The following LRRTM4 variants were observed in gnomAD, a reference collection of about 807,000 sequenced individuals.
LRRTM4 encodes the protein leucine-rich repeat transmembrane neuronal protein 4.
LRRTM4 carries 25 observed loss-of-function variants against 47.6 expected under a neutral mutation model. The observed-to-expected ratio is 0.53, with a 90% CI of 0.38 to 0.73. The LOEUF (loss-of-function observed/expected upper bound fraction) is 0.73. LRRTM4 is among the 30% of genes least tolerant of loss of function. The pLI, the probability that LRRTM4 is intolerant of heterozygous loss-of-function variation, is 0.00. For missense variants in LRRTM4, 638 were observed against 713.4 expected (o/e 0.89, Z 1.20); for synonymous variants, 311 against 269.5 (o/e 1.15, Z -1.51).
At chr2:76,885,165 A>G (rs964060293) in intron 3 of LRRTM4, among the ~76,000 whole-genome samples, 1 of 152,004 alleles carries the variant, frequency 6.6e-6, no homozygotes, top group Non-Finnish European at 1.5e-5. Flanking sequence ...TAAATATTTT[A>G]AAAACCACTC....
At chr2:77,365,062 A>T (rs1315554343) in intron 3 of LRRTM4, among the ~76,000 whole-genome samples, 1 of 152,028 alleles carries the variant, frequency 6.6e-6, no homozygotes, top group African/African-American at 2.4e-5. Context: ...GAAGTTGAAC[A>T]CTAATGAGAT....
chr2:77,419,947 C>A (rs1674805871), intron 3 of LRRTM4, among the ~76,000 whole-genome samples: 1 of 152,172 alleles, frequency 6.6e-6, no homozygotes, highest in African/African-American at 2.4e-5. Context: ...CATTCCCCAC[C>A]TGGGGACAGT....
chr2:77,257,025 C>A (rs939835727), intron 3 of LRRTM4, among the ~76,000 whole-genome samples: 7 of 152,092 alleles, frequency 4.6e-5, no homozygotes, highest in East Asian at 1.9e-4. Flanking sequence ...TATTAATAGG[C>A]TAAAGAAGAA....
chr2:76,757,984 C>T (rs1488886400), intron 3 of LRRTM4, among the ~76,000 whole-genome samples: 3 of 152,226 alleles, frequency 2.0e-5, no homozygotes, highest in East Asian at 1.9e-4. Context: ...AAGGTGTAAT[C>T]GGCATTACAG....
At chr2:77,351,473 A>G (rs1025962174) in intron 3 of LRRTM4, among the ~76,000 whole-genome samples, 4 of 151,884 alleles carry the variant, frequency 2.6e-5, no homozygotes, top group Admixed American at 2.0e-4. Flanking sequence ...GGATAGTTGA[A>G]AACCTTATGA....
chr2:77,445,671 A>C (rs1330575408), intron 3 of LRRTM4, among the ~76,000 whole-genome samples: 1 of 152,000 alleles, frequency 6.6e-6, no homozygotes, highest in Non-Finnish European at 1.5e-5. Flanking sequence ...ACAAAATACC[A>C]TTTGTCACAG....
Position 77,521,769 on chromosome 2 carries a change from G to T in LRRTM4, c.-98C>A. On this transcript the variant is annotated 5_prime_UTR_variant, in exon 2 of 4. Transcript: ENST00000409884. Reference sequence around the variant, plus strand: ...ACCACCTTCATGACACAGTGCGGCTGTCATTCACACCATTCTGATCCCGCA... The same window carrying T: ...ACCACCTTCATGACACAGTGCGGCTTTCATTCACACCATTCTGATCCCGCA... 7.3e-7 allele frequency: 1 copy of T among 1,361,402 alleles called. No homozygotes were observed. The allele number at this position is 1,361,402 out of a possible 1,614,324, so 84.3% of individuals were successfully genotyped here.
intron 3 of LRRTM4, among the ~76,000 whole-genome samples, chr2:77,062,102 G>C (rs1679805366): frequency 6.6e-6 from 1 of 152,182 alleles, no homozygotes; most frequent in Non-Finnish European, 1.5e-5. Flanking sequence ...TCATTGGTCA[G>C]TGATGGATTG....
intron 3 of LRRTM4, among the ~76,000 whole-genome samples, chr2:77,059,340 G>A (rs564794236): frequency 6.6e-6 from 1 of 151,778 alleles, no homozygotes; most frequent in South Asian, 2.1e-4. Flanking sequence ...TTTCAGTAGA[G>A]TTGTCTTAAT....
chr2:76,783,926 T>C (rs981680496), intron 3 of LRRTM4, among the ~76,000 whole-genome samples: 3 of 152,298 alleles, frequency 2.0e-5, no homozygotes, highest in South Asian at 2.1e-4. Flanking sequence ...TGCTTGGTAA[T>C]ATCCAGATGA....
intron 3 of LRRTM4, among the ~76,000 whole-genome samples, chr2:76,792,129 C>A (rs954002380): frequency 7.4e-5 from 11 of 148,684 alleles, no homozygotes; most frequent in African/African-American, 2.7e-4. Flanking sequence ...TTTTTCTAGT[C>A]CTAAAAAAGA....
intron 3 of LRRTM4, among the ~76,000 whole-genome samples, chr2:77,405,641 G>T (rs1406528202): frequency 6.6e-6 from 1 of 152,002 alleles, no homozygotes; most frequent in East Asian, 1.9e-4. Flanking sequence ...CATCTGCAAT[G>T]AATTTAGTAA....
At chr2:77,248,266 G>A (rs1391742901) in intron 3 of LRRTM4, among the ~76,000 whole-genome samples, 4 of 151,794 alleles carry the variant, frequency 2.6e-5, no homozygotes, top group Admixed American at 2.6e-4. Flanking sequence ...ATGTGTGTAT[G>A]TATATTCAGT....
chr2:77,442,663 C>T (rs1675890097), intron 3 of LRRTM4, among the ~76,000 whole-genome samples: 1 of 152,106 alleles, frequency 6.6e-6, no homozygotes, highest in South Asian at 2.1e-4. Flanking sequence ...TTTGGTAAAG[C>T]AACCATTTGT....
intron 3 of LRRTM4, among the ~76,000 whole-genome samples, chr2:77,254,986 AGAGAT>A (rs1191884824): frequency 6.6e-6 from 1 of 151,864 alleles, no homozygotes; most frequent in Non-Finnish European, 1.5e-5. Context: ...AACAAAACAC[AGAGAT>A]GAAAGAAGTG....
rs545224307 is a variant in LRRTM4, at chr2:77,411,996, T to C, written c.1551+106322A>G. 9.2e-5 allele frequency among the ~76,000 whole-genome samples: 14 copies of C among 152,288 alleles called. No homozygotes were observed. The South Asian group carries it at 2.9e-3, about 32-fold the overall frequency. The stretch of plus-strand genomic sequence containing the variant: ...TCACTTGATTTTAGGAATGAACTGC[T>C]GTGGCATCAGCCATGCCTCAACCCC... On this transcript the variant is annotated intron_variant, in intron 3 of 3. Coordinates refer to ENST00000409884, the MANE Select transcript of LRRTM4 (RefSeq NM_001134745.3).
chr2:77,260,366 CA>C (rs913220031), intron 3 of LRRTM4, among the ~76,000 whole-genome samples: 11 of 135,114 alleles, frequency 8.1e-5, no homozygotes, highest in African/African-American at 2.8e-4. Context: ...GAAGTACTAC[CA>C]AAAAATCGTG....
intron 3 of LRRTM4, among the ~76,000 whole-genome samples, chr2:77,381,263 A>G (rs958551939): frequency 6.6e-5 from 10 of 152,128 alleles, no homozygotes; most frequent in Non-Finnish European, 1.3e-4. Flanking sequence ...AAATACATTT[A>G]TAAGAGATTA....
chr2:77,430,631 G>A (rs1040912296), intron 3 of LRRTM4, among the ~76,000 whole-genome samples: 2 of 147,756 alleles, frequency 1.4e-5, no homozygotes, highest in Non-Finnish European at 1.5e-5. Flanking sequence ...TGAGGCAGGA[G>A]AATCACTTGA....
Sources: gnomAD v4.1 joint callset for allele counts (sites outside exome capture counted in the v4.1 genomes callset) on GRCh38, gnomAD v4.1.1 for gene constraint, MANE v1.5 for transcripts, NCBI Gene and HGNC (gene_info 2026-07-23, HGNC 2026-07-21) for gene names.